MYO5B: variants seen among roughly 807,000 people sequenced by gnomAD.
The protein encoded by MYO5B is unconventional myosin-Vb.
MYO5B carries 143 observed loss-of-function variants against 229.3 expected under a neutral mutation model. The observed-to-expected ratio is 0.62, with a 90% CI of 0.54 to 0.72. The LOEUF is 0.72. Ranked by LOEUF, MYO5B falls within the 30% of genes least tolerant of loss-of-function variation. MYO5B has a pLI of 0.00. For synonymous variants in MYO5B, 918 were observed against 885.2 expected (o/e 1.04, Z -0.66); for missense variants, 2,321 against 2,331.0 (o/e 1.00, Z 0.09).
At chr18:50,076,583 T>C (rs983039770) in intron 1 of MYO5B, among the ~76,000 whole-genome samples, 1 of 152,170 alleles carries the variant, frequency 6.6e-6, no homozygotes, top group Non-Finnish European at 1.5e-5. Flanking sequence ...CTTGGGCTTG[T>C]CAAATTCCTA....
At chr18:50,022,199 T>C (rs1466012873) in intron 4 of MYO5B, among the ~76,000 whole-genome samples, 1 of 151,504 alleles carries the variant, frequency 6.6e-6, no homozygotes, top group Non-Finnish European at 1.5e-5. Flanking sequence ...GCATACAGTC[T>C]AGAGTTAGGG....
At chr18:49,943,129 C>T (rs1445369583) in intron 14 of MYO5B, among the ~76,000 whole-genome samples, 1 of 147,994 alleles carries the variant, frequency 6.8e-6, no homozygotes, top group East Asian at 2.0e-4. Context: ...AAAAACCAAA[C>T]ACCACATGTT....
At chr18:49,947,236 G>C (rs2144233243) in intron 14 of MYO5B, among the ~76,000 whole-genome samples, 1 of 151,910 alleles carries the variant, frequency 6.6e-6, no homozygotes, top group African/African-American at 2.4e-5. Context: ...CTCCCGAGTA[G>C]CTGGGACTAC....
In MYO5B at chr18:49,825,695, A is replaced by C. The variant is rs998203898; in HGVS notation, c.*776T>G. 1 of 152,446 alleles carries C rather than the reference A, an allele frequency of 6.6e-6. No individual in the cohort carries two copies. The highest frequency in any genetic ancestry group is 1.5e-5 in the Non-Finnish European group (1 of 68,054). 9.4% of individuals were successfully genotyped at this position (152,446 alleles called of 1,614,324 possible). A position where few individuals can be genotyped will look rare whatever the true frequency, so the allele number is the denominator to read the frequency against. On this transcript the variant is annotated 3_prime_UTR_variant, in exon 40 of 40. Transcript: ENST00000285039. ...TTGTGAAAGTTTTGTGGGACTTGGA[A>C]AGTGTATGGACTAGCATCAGAAACA...
intron 22 of MYO5B, among the ~76,000 whole-genome samples, chr18:49,892,693 G>A (rs1568020490): frequency 6.6e-6 from 1 of 152,108 alleles, no homozygotes; most frequent in Non-Finnish European, 1.5e-5. Flanking sequence ...ACAAAAAAAA[G>A]CCAGCCAGCT....
chr18:50,152,437 T>G (rs1297498247), intron 1 of MYO5B, among the ~76,000 whole-genome samples: 1 of 152,228 alleles, frequency 6.6e-6, no homozygotes, highest in Non-Finnish European at 1.5e-5. Context: ...CTCTAGTAAA[T>G]GTGCTACTGC....
chr18:49,895,309 G>A, intron 21 of MYO5B, 135 bp from the exon 22 acceptor site: 1 of 741,880 alleles, frequency 1.3e-6, no homozygotes. Context: ...ATCATTGCAT[G>A]CTCAAGTGCT....
At chr18:49,969,064 A>G (rs1406657435) in intron 10 of MYO5B, among the ~76,000 whole-genome samples, 1 of 152,188 alleles carries the variant, frequency 6.6e-6, no homozygotes, top group African/African-American at 2.4e-5. Flanking sequence ...TGAAGCCAAC[A>G]GCTTCCGATG....
chr18:50,078,489 A>G (rs73446665), intron 1 of MYO5B, among the ~76,000 whole-genome samples: 2,726 of 152,268 alleles, frequency 0.018, 89 homozygotes, highest in African/African-American at 0.062. Context: ...ATGAATTTGT[A>G]AAAGCCCTCA....
chr18:50,073,653 C>T (rs2031011229), intron 1 of MYO5B, among the ~76,000 whole-genome samples: 1 of 152,186 alleles, frequency 6.6e-6, no homozygotes, highest in Non-Finnish European at 1.5e-5. Flanking sequence ...TCTCAACCCT[C>T]ATATCCAACT....
intron 27 of MYO5B, chr18:49,871,598 A>C (rs1379543556): frequency 1.2e-5 from 2 of 162,390 alleles, no homozygotes; most frequent in African/African-American, 4.8e-5. Flanking sequence ...GAAGGAATAG[A>C]ACAAGGAGTT....
chr18:50,132,619 C>G (rs1386225591), intron 1 of MYO5B, among the ~76,000 whole-genome samples: 2 of 152,216 alleles, frequency 1.3e-5, no homozygotes, highest in Non-Finnish European at 2.9e-5. Context: ...CTCCACCATG[C>G]TCCCCTCTTC....
At position 49,837,484 on chromosome 18, in the gene MYO5B, T is replaced by C. The variant is rs1167114931; in HGVS notation, c.5138+33A>G. 1.9e-6 allele frequency: 3 copies of C among 1,612,904 alleles called. No homozygotes were observed. The African/African-American group carries it at 4.0e-5, about 22-fold the overall frequency. ...AGCTGCAGTCAGTGAGGGCCCACTC[T>C]ATCTGTGTTGTTGGGGGGTGCTCCT... On this transcript the variant is annotated intron_variant, in intron 37 of 39. Transcript: ENST00000285039.
chr18:49,950,583 A>G (rs908603976), intron 14 of MYO5B, among the ~76,000 whole-genome samples: 3 of 152,192 alleles, frequency 2.0e-5, no homozygotes, highest in Admixed American at 1.3e-4. Context: ...ACCAAGATAC[A>G]ATGGTAACTG....
At chr18:50,106,386 C>T (rs1187506355) in intron 1 of MYO5B, among the ~76,000 whole-genome samples, 2 of 152,204 alleles carry the variant, frequency 1.3e-5, no homozygotes, top group Non-Finnish European at 2.9e-5. Flanking sequence ...ATGCCCTCCT[C>T]ACTGTTCTTG....
chr18:49,847,040 T>C, intron 33 of MYO5B, 106 bp downstream of exon 33: 1 of 1,360,028 alleles, frequency 7.4e-7, no homozygotes, highest in Non-Finnish European at 1.0e-6. Flanking sequence ...GGGTGGGGGC[T>C]GTGCAGGAGG....
chr18:49,952,494 G>A (rs531523523), intron 14 of MYO5B, among the ~76,000 whole-genome samples: 114 of 152,310 alleles, frequency 7.5e-4, no homozygotes, highest in African/African-American at 2.4e-3. Flanking sequence ...ACCTGTGGGT[G>A]TCTTCATCTG....
chr18:50,006,687 T>G (rs2026105361), intron 4 of MYO5B, among the ~76,000 whole-genome samples: 1 of 152,018 alleles, frequency 6.6e-6, no homozygotes, highest in Non-Finnish European at 1.5e-5. Context: ...CTGCAGTGCT[T>G]TAGGCTGATG....
chr18:50,153,048 CT>C (rs1462301834), intron 1 of MYO5B, among the ~76,000 whole-genome samples: 3 of 152,098 alleles, frequency 2.0e-5, no homozygotes, highest in Non-Finnish European at 4.4e-5. Context: ...TTTCAGGTGG[CT>C]GTCTTATTGA....
Sources: gnomAD v4.1 joint callset for allele counts (sites outside exome capture counted in the v4.1 genomes callset) on GRCh38, gnomAD v4.1.1 for gene constraint, MANE v1.5 for transcripts, NCBI Gene and HGNC (gene_info 2026-07-23, HGNC 2026-07-21) for gene names.